The following FAM120B variants were observed in gnomAD, a reference collection of about 807,000 sequenced individuals.
FAM120B encodes the protein family with sequence similarity 120 member B.
A neutral mutation model predicts 96.3 loss-of-function variants in FAM120B; 83 were observed. The observed-to-expected ratio is 0.86, with a 90% CI of 0.72 to 1.03. The LOEUF is 1.03. FAM120B is among the 50% of genes least tolerant of loss of function. The pLI is 0.00. For synonymous variants in FAM120B, 407 were observed against 402.7 expected (o/e 1.01, Z -0.13); for missense variants, 1,027 against 1,121.2 (o/e 0.92, Z 1.20).
In FAM120B at chr6:170,370,481, A is replaced by G. The variant is rs927122191; in HGVS notation, c.2283+12163A>G. Among the ~76,000 whole-genome samples the G allele has an allele frequency of 3.9e-5, 6 of 152,154 alleles. No homozygotes were observed. The highest frequency in any genetic ancestry group is 1.4e-4 in the African/African-American group (6 of 41,430). On this transcript the variant is annotated intron_variant, in intron 6 of 10. Coordinates refer to ENST00000476287, the MANE Select transcript of FAM120B (RefSeq NM_032448.3). The surrounding 1 kb of genome is among the most constrained non-coding windows in gnomAD (Gnocchi z 4.3). ...GCTTCCTCTCGCCTTTCCTGGTTCC[A>G]GGAGCTGCTGTCCAGTCGTGCTCTG... is the stretch of plus-strand genomic sequence containing the variant.
upstream of FAM120B, among the ~76,000 whole-genome samples, chr6:170,303,945 C>T (rs893238262): frequency 1.3e-5 from 2 of 152,192 alleles, no homozygotes; most frequent in African/African-American, 4.8e-5. Flanking sequence ...AACAGGCATT[C>T]CATGTGATTC....
chr6:170,345,274 C>A (rs1185888242), intron 4 of FAM120B, among the ~76,000 whole-genome samples: 4 of 152,148 alleles, frequency 2.6e-5, no homozygotes, highest in Non-Finnish European at 5.9e-5. Context: ...TTATTAATGC[C>A]CTGCCCCAAT....
chr6:170,355,561 T>C (rs527456167), intron 5 of FAM120B, among the ~76,000 whole-genome samples: 4 of 151,444 alleles, frequency 2.6e-5, no homozygotes, highest in Non-Finnish European at 5.9e-5. Context: ...CACTGGGGAC[T>C]GTGAGGGGGT....
At chr6:170,371,138 C>T (rs1303682507) in intron 6 of FAM120B, among the ~76,000 whole-genome samples, 1 of 150,958 alleles carries the variant, frequency 6.6e-6, no homozygotes, top group South Asian at 2.1e-4. Context: ...CAGTCTCCCT[C>T]CCCCCAGCCC....
chr6:170,395,691 T>A, intron 9 of FAM120B, 112 bp downstream of exon 9: 1 of 714,244 alleles, frequency 1.4e-6, no homozygotes. Flanking sequence ...ATAGTTCCAG[T>A]AAATAAACAG....
At chr6:170,366,719 C>T (rs559474822) in intron 6 of FAM120B, among the ~76,000 whole-genome samples, 6 of 152,290 alleles carry the variant, frequency 3.9e-5, no homozygotes, top group African/African-American at 1.2e-4. Flanking sequence ...GGACAGCAGG[C>T]TGTTGAGAAG....
intron 6 of FAM120B, among the ~76,000 whole-genome samples, chr6:170,359,783 C>A (rs962916483): frequency 2.6e-5 from 4 of 152,176 alleles, no homozygotes; most frequent in Non-Finnish European, 5.9e-5. Context: ...ATTCTCATAG[C>A]ATAGCAGTCC....
chr6:170,321,699 C>T (rs1464677328), intron 2 of FAM120B, among the ~76,000 whole-genome samples: 1 of 152,124 alleles, frequency 6.6e-6, no homozygotes, highest in African/African-American at 2.4e-5. Flanking sequence ...TCTTATAGAA[C>T]ATGCATTGGC....
intron 9 of FAM120B, chr6:170,404,269 T>C: frequency 2.7e-6 from 1 of 372,622 alleles, no homozygotes; most frequent in Non-Finnish European, 4.8e-6. Flanking sequence ...TCAGCAATAG[T>C]AAATGCCTAG....
chr6:170,304,731 CCT>C (rs1261570721), upstream of FAM120B, among the ~76,000 whole-genome samples: 2 of 151,968 alleles, frequency 1.3e-5, no homozygotes, highest in African/African-American at 4.8e-5. Flanking sequence ...TGAATTTTTC[CCT>C]CAGTCTCTTT....
chr6:170,327,139 C>T (rs1052562067), intron 3 of FAM120B, among the ~76,000 whole-genome samples: 6 of 152,122 alleles, frequency 3.9e-5, no homozygotes, highest in East Asian at 3.9e-4. Flanking sequence ...CTCCGCCTCC[C>T]GGGTTCACAC....
intron 3 of FAM120B, among the ~76,000 whole-genome samples, chr6:170,326,650 T>C (rs1785607579): frequency 6.6e-6 from 1 of 152,228 alleles, no homozygotes. Flanking sequence ...AGAGCAGCCA[T>C]AGACAACATG....
chr6:170,365,991 A>G (rs1350162836), intron 6 of FAM120B, among the ~76,000 whole-genome samples: 2 of 152,100 alleles, frequency 1.3e-5, no homozygotes, highest in African/African-American at 4.8e-5. Flanking sequence ...ACTCCTCACA[A>G]TCATAACAGC....
chr6:170,397,674 T>C (rs1778250189), intron 9 of FAM120B, among the ~76,000 whole-genome samples: 1 of 152,116 alleles, frequency 6.6e-6, no homozygotes, highest in Non-Finnish European at 1.5e-5. Flanking sequence ...GAAATATTGG[T>C]GTTGACTGAT....
intron 9 of FAM120B, among the ~76,000 whole-genome samples, chr6:170,402,459 C>T (rs1441344456): frequency 6.6e-6 from 1 of 152,216 alleles, no homozygotes; most frequent in Non-Finnish European, 1.5e-5. Flanking sequence ...CTCTTCCTGA[C>T]CCAGAAAGGA....
intron 6 of FAM120B, among the ~76,000 whole-genome samples, chr6:170,366,057 A>G (rs1788773883): frequency 1.3e-5 from 2 of 152,288 alleles, no homozygotes; most frequent in African/African-American, 4.8e-5. Flanking sequence ...GTCTTGTACG[A>G]AAAAATAGAT....
At chr6:170,303,714 C>G (rs971314674), upstream of FAM120B, among the ~76,000 whole-genome samples, 2 of 152,066 alleles carry the variant, frequency 1.3e-5, no homozygotes, top group Non-Finnish European at 2.9e-5. Context: ...TCCCTTTTTT[C>G]AAAAATAATT....
Position 170,318,906 on chromosome 6 carries a change from C to T in FAM120B, c.1516C>T (p.Gln506Ter), listed in dbSNP as rs1415628710. The part of the protein sequence containing the change: ...EIMCTGHESK[Q>*]EVPICTDPIS... The stretch of plus-strand genomic sequence containing the variant: ...TATGTGTACAGGCCATGAATCCAAA[C>T]AGGAAGTTCCCATATGTACAGATCC... Residue 506 changes from glutamine to a stop codon, truncating the protein, a stop_gained, in exon 2 of 11, where the codon CAG becomes TAG. Coordinates refer to ENST00000476287, the MANE Select transcript of FAM120B (RefSeq NM_032448.3). LOFTEE classifies it high-confidence loss of function. The T allele has an allele frequency of 1.9e-6, 3 of 1,614,208 alleles. No homozygotes were observed. In the South Asian group the frequency reaches 3.3e-5, roughly 18 times the overall value.
intron 8 of FAM120B, among the ~76,000 whole-genome samples, chr6:170,392,846 G>C (rs1050449024): frequency 1.3e-5 from 2 of 152,218 alleles, no homozygotes; most frequent in Non-Finnish European, 2.9e-5. Context: ...CCAACCATGA[G>C]AGGGAAGGCT....
Sources: allele counts gnomAD v4.1 joint callset (sites outside exome capture counted in the v4.1 genomes callset), GRCh38; gene constraint gnomAD v4.1.1; non-coding constraint Gnocchi (gnomAD v3.1); transcripts MANE v1.5; gene names NCBI Gene and HGNC (gene_info 2026-07-23, HGNC 2026-07-21).